The following EPHA3 variants were observed in gnomAD, a reference collection of about 807,000 sequenced individuals.
EPHA3 encodes the protein ephrin type-A receptor 3.
EPHA3 carries 42 observed loss-of-function variants against 107.1 expected under a neutral mutation model. The observed-to-expected ratio is 0.39, with a 90% CI of 0.31 to 0.51. The LOEUF is 0.51. EPHA3 is among the 20% of genes least tolerant of loss of function. The pLI is 0.78. For synonymous variants in EPHA3, 461 were observed against 424.8 expected (o/e 1.09, Z -1.05); for missense variants, 1,183 against 1,211.2 (o/e 0.98, Z 0.35).
intron 2 of EPHA3, among the ~76,000 whole-genome samples, chr3:89,132,280 C>T (rs1348171830): frequency 6.6e-6 from 1 of 152,152 alleles, no homozygotes; most frequent in Non-Finnish European, 1.5e-5. Context: ...TGAAAGAATG[C>T]CTCTTCTTTG....
At chr3:89,297,498 C>A (rs991118579) in intron 3 of EPHA3, among the ~76,000 whole-genome samples, 1 of 152,098 alleles carries the variant, frequency 6.6e-6, no homozygotes, top group Non-Finnish European at 1.5e-5. Flanking sequence ...ATGGTTCATG[C>A]TATCCCAAAA....
At position 89,479,556 on chromosome 3, in the gene EPHA3, A is replaced by G. The variant is rs1205898516; in HGVS notation, c.*54A>G. ...AAGTGGTGGCTGTGGAAGGCGTAGC[A>G]TCATCCTGCAGACAGACAATAATTC... On this transcript the variant is annotated 3_prime_UTR_variant, in exon 17 of 17. Transcript: ENST00000336596. The G allele has an allele frequency of 7.4e-7, 1 of 1,353,990 alleles. No individual in the cohort carries two copies. The highest frequency in any genetic ancestry group is 1.7e-5 in the Admixed American group (1 of 58,116). The allele number at this position is 1,353,990 out of a possible 1,614,324, so 83.9% of individuals were successfully genotyped here. A position where few individuals can be genotyped will look rare whatever the true frequency, so the allele number is the denominator to read the frequency against.
intron 2 of EPHA3, among the ~76,000 whole-genome samples, chr3:89,136,330 C>CTTTTTTTGTTTTTTT (rs1704310389): frequency 4.3e-5 from 1 of 23,370 alleles, no homozygotes; most frequent in East Asian, 1.3e-3. Context: ...ATCTTACAGG[C>CTTTTTTTGTTTTTTT]TTTTTTTTTT....
chr3:89,139,910 G>C (rs983712272), intron 2 of EPHA3, among the ~76,000 whole-genome samples: 1 of 151,830 alleles, frequency 6.6e-6, no homozygotes, highest in African/African-American at 2.4e-5. Flanking sequence ...TCAACCGAGT[G>C]TCATGCATTG....
intron 3 of EPHA3, among the ~76,000 whole-genome samples, chr3:89,328,766 C>G (rs1707227174): frequency 6.6e-6 from 1 of 152,204 alleles, no homozygotes; most frequent in Admixed American, 6.5e-5. Context: ...AGAGATAATA[C>G]CAGTCTCACA....
chr3:89,332,178 G>A (rs1707303403), intron 3 of EPHA3, among the ~76,000 whole-genome samples: 1 of 152,118 alleles, frequency 6.6e-6, no homozygotes, highest in African/African-American at 2.4e-5. Context: ...CCCAACTAGT[G>A]CTACTCTTAG....
intron 15 of EPHA3, among the ~76,000 whole-genome samples, chr3:89,469,485 C>T (rs770500150): frequency 2.0e-5 from 3 of 152,140 alleles, no homozygotes; most frequent in Non-Finnish European, 4.4e-5. Context: ...AGGTGTAGGG[C>T]ACGATCTAAA....
chr3:89,450,130 A>G, intron 14 of EPHA3, 47 bp from the exon 15 acceptor site: 1 of 1,485,920 alleles, frequency 6.7e-7, no homozygotes, highest in African/African-American at 1.4e-5. Flanking sequence ...ACTAAGTGAC[A>G]CTTCCTGAAA....
chr3:89,228,083 T>G (rs1318834432), intron 3 of EPHA3, among the ~76,000 whole-genome samples: 2 of 151,846 alleles, frequency 1.3e-5, no homozygotes, highest in Non-Finnish European at 2.9e-5. Flanking sequence ...CTGCTGTAAC[T>G]TTGACTTTGG....
intron 3 of EPHA3, among the ~76,000 whole-genome samples, chr3:89,265,672 A>G (rs1705520928): frequency 6.6e-6 from 1 of 152,130 alleles, no homozygotes; most frequent in Non-Finnish European, 1.5e-5. Flanking sequence ...AGAAAAGTAT[A>G]GCAGAACCAA....
At chr3:89,121,533 C>T (rs182151108) in intron 1 of EPHA3, among the ~76,000 whole-genome samples, 3,526 of 151,998 alleles carry the variant, frequency 0.023, 132 homozygotes, top group African/African-American at 0.079. Flanking sequence ...CCAAGGCGTG[C>T]GGATCATGAG....
chr3:89,289,281 G>A (rs748018189), intron 3 of EPHA3, among the ~76,000 whole-genome samples: 4 of 152,124 alleles, frequency 2.6e-5, no homozygotes, highest in Non-Finnish European at 5.9e-5. Context: ...GCTTGGTTCT[G>A]CCTTTTACTC....
At chr3:89,132,113 G>A (rs959886258) in intron 2 of EPHA3, among the ~76,000 whole-genome samples, 1 of 152,188 alleles carries the variant, frequency 6.6e-6, no homozygotes, top group Non-Finnish European at 1.5e-5. Context: ...CTGATGGAGA[G>A]ATAGGGAGAG....
At chr3:89,437,517 C>T (rs949265873) in intron 13 of EPHA3, among the ~76,000 whole-genome samples, 1 of 151,826 alleles carries the variant, frequency 6.6e-6, no homozygotes, top group Non-Finnish European at 1.5e-5. Context: ...ATATTTTTGC[C>T]CTGGTCTACT....
intron 13 of EPHA3, among the ~76,000 whole-genome samples, chr3:89,447,797 T>G (rs1709905568): frequency 6.6e-6 from 1 of 152,124 alleles, no homozygotes; most frequent in African/African-American, 2.4e-5. Flanking sequence ...ACTATTACAT[T>G]CTCAATAACA....
intron 2 of EPHA3, among the ~76,000 whole-genome samples, chr3:89,144,102 G>A (rs1010074275): frequency 6.6e-6 from 1 of 151,606 alleles, no homozygotes; most frequent in Non-Finnish European, 1.5e-5. Flanking sequence ...TACGTAGTCT[G>A]CATTAGAGTT....
intron 5 of EPHA3, among the ~76,000 whole-genome samples, chr3:89,372,645 A>G (rs1381973472): frequency 6.6e-6 from 1 of 151,756 alleles, no homozygotes; most frequent in Non-Finnish European, 1.5e-5. Flanking sequence ...TGTTCGACAA[A>G]TGTGTTTTAA....
At chr3:89,112,449 A>G (rs1707132294) in intron 1 of EPHA3, among the ~76,000 whole-genome samples, 1 of 152,010 alleles carries the variant, frequency 6.6e-6, no homozygotes. Context: ...TGTGTTCCTT[A>G]AGGGTCCGAC....
At chr3:89,254,190 G>A (rs1705225862) in intron 3 of EPHA3, among the ~76,000 whole-genome samples, 1 of 151,996 alleles carries the variant, frequency 6.6e-6, no homozygotes, top group Admixed American at 6.6e-5. Context: ...AATCTCTATA[G>A]CTTATATTAA....
Sources: gnomAD v4.1 joint callset for allele counts (sites outside exome capture counted in the v4.1 genomes callset) on GRCh38, gnomAD v4.1.1 for gene constraint, MANE v1.5 for transcripts, NCBI Gene and HGNC (gene_info 2026-07-23, HGNC 2026-07-21) for gene names.